The following GLMN variants were observed in gnomAD, a reference collection of about 807,000 sequenced individuals.
The protein encoded by GLMN is glomulin.
In GLMN, 75 loss-of-function variants were observed where a neutral mutation model predicts 87.8. The observed-to-expected ratio is 0.85, with a 90% CI of 0.71 to 1.04. The LOEUF is 1.04. Ranked by LOEUF, GLMN falls within the 50% of genes least tolerant of loss-of-function variation. The pLI is 0.00. For synonymous variants in GLMN, 206 were observed against 221.6 expected, an observed-to-expected ratio of 0.93 and a Z score of 0.63; for missense variants, 588 against 658.8, an observed-to-expected ratio of 0.89 and a Z score of 1.18.
At chr1:92,249,866 G>A (rs1407758654) in intron 16 of GLMN, among the ~76,000 whole-genome samples, 1 of 152,142 alleles carries the variant, frequency 6.6e-6, no homozygotes, top group African/African-American at 2.4e-5. Context: ...GTGAGAATAT[G>A]TGATACTGTC....
the GLMN span, among the ~76,000 whole-genome samples, chr1:92,329,396 C>G: frequency 6.6e-6 from 1 of 152,216 alleles, no homozygotes; most frequent in African/African-American, 2.4e-5. Flanking sequence ...CCACAGGCCT[C>G]ACCCAGCTTC....
At chr1:92,278,397 C>T (rs1293016448) in intron 7 of GLMN, among the ~76,000 whole-genome samples, 1 of 152,158 alleles carries the variant, frequency 6.6e-6, no homozygotes, top group African/African-American at 2.4e-5. Flanking sequence ...TCACTATTAT[C>T]GTGACCATCA....
At chr1:92,360,390 C>A in the GLMN span, among the ~76,000 whole-genome samples, 1 of 152,136 alleles carries the variant, frequency 6.6e-6, no homozygotes, top group South Asian at 2.1e-4. Flanking sequence ...GGTGTTGGGG[C>A]ACTAGACGGA....
At position 92,297,547 on chromosome 1, in the gene GLMN, AAC is replaced by A; in HGVS notation, c.40-20_40-19del. 3 of 1,583,530 alleles carry A rather than the reference AAC, an allele frequency of 1.9e-6. No homozygotes were observed. The highest frequency in any genetic ancestry group is 2.6e-6 in the Non-Finnish European group (3 of 1,164,046). On this transcript the variant is annotated intron_variant, in intron 2 of 18. Transcript: ENST00000370360. ...AGGATTTGCTGGCAAAAAAAAAAAA[AAC>A]CCAAAAAACAAACAAAAAAAAGTAT...
rs1655290434 is a variant in GLMN, at chr1:92,263,700, T to C, written c.1332A>G (p.Pro444=). The C allele has an allele frequency of 3.8e-6, 6 of 1,599,670 alleles. No individual in the cohort carries two copies. Among genetic ancestry groups the C allele is most frequent in the Non-Finnish European group, 5.1e-6 (6 of 1,166,894 alleles). Residue 444 remains proline, a synonymous_variant, in exon 15 of 19, where the codon CCA becomes CCG. Coordinates refer to ENST00000370360, the MANE Select transcript of GLMN (RefSeq NM_053274.3). ...RTRNNKWFTG[P]QLISLLDLVL... Reference sequence around the variant, plus strand: ...CCAAATCAAGAAGGGAAATCAACTGTGGTCCTGTAAACCATTTGTTGTTAC... The same window carrying C: ...CCAAATCAAGAAGGGAAATCAACTGCGGTCCTGTAAACCATTTGTTGTTAC...
At chr1:92,300,132 G>A (rs1334993442), upstream of GLMN, 1 of 1,137,460 alleles carries the variant, frequency 8.8e-7, no homozygotes, top group South Asian at 1.3e-5. Flanking sequence ...ACCGCTGTCT[G>A]TATGCTGTCC....
intron 4 of GLMN, 117 bp downstream of exon 4, chr1:92,291,300 TC>T: frequency 1.1e-6 from 1 of 895,718 alleles, no homozygotes. Context: ...TCCAACGAGT[TC>T]CTTTCTGCAT....
Position 92,268,118 on chromosome 1 carries a change from A to T in GLMN, c.995T>A (p.Ile332Asn). ...CAAACATCTTACCAATCCTTTGGAGATAACAGACTCTTCTGTTCTGAAAAA... is the reference window on the plus strand; with the variant it reads ...CAAACATCTTACCAATCCTTTGGAGTTAACAGACTCTTCTGTTCTGAAAAA... The part of the protein sequence containing the change: ...VFLQRTEESV[I>N]SKGLELLENS... The change falls in exon 10 of 19, where the codon ATC becomes AAC. Residue 332 changes from isoleucine to asparagine, a missense_variant. By Grantham distance (149) the Ile-to-Asn change is moderately radical. Transcript: ENST00000370360. 6.9e-7 allele frequency: 1 copy of T among 1,440,820 alleles called. No individual in the cohort carries two copies. The highest frequency in any genetic ancestry group is 9.8e-7 in the Non-Finnish European group (1 of 1,023,120). 89.3% of individuals were successfully genotyped at this position (1,440,820 alleles called of 1,614,324 possible).
chr1:92,346,449 C>T, the GLMN span, among the ~76,000 whole-genome samples: 1 of 152,182 alleles, frequency 6.6e-6, no homozygotes, highest in Non-Finnish European at 1.5e-5. Flanking sequence ...TAGGCATGAG[C>T]CACCACACCC....
At chr1:92,271,271 C>T (rs1421964823) in intron 8 of GLMN, among the ~76,000 whole-genome samples, 194 bp downstream of exon 8, 2 of 152,174 alleles carry the variant, frequency 1.3e-5, no homozygotes, top group Non-Finnish European at 2.9e-5. Flanking sequence ...CCTATTTCAA[C>T]ACTCCCCACT....
chr1:92,347,544 C>T, the GLMN span, among the ~76,000 whole-genome samples: 1 of 152,202 alleles, frequency 6.6e-6, no homozygotes, highest in Non-Finnish European at 1.5e-5. Flanking sequence ...TTACTGAAGA[C>T]ACATTAAGTC....
At chr1:92,273,775 CATT>C (rs1398245693) in intron 7 of GLMN, among the ~76,000 whole-genome samples, 1 of 151,962 alleles carries the variant, frequency 6.6e-6, no homozygotes, top group African/African-American at 2.4e-5. Context: ...CTTTTTAAAA[CATT>C]ATTATATGCA....
the GLMN span, chr1:92,324,115 G>A: frequency 2.5e-6 from 4 of 1,614,088 alleles, no homozygotes; most frequent in Admixed American, 1.7e-5. Context: ...TCTGAAACCC[G>A]AAGCCTCTCT....
intron 8 of GLMN, among the ~76,000 whole-genome samples, chr1:92,270,632 A>G (rs888383527): frequency 1.3e-5 from 2 of 151,702 alleles, no homozygotes; most frequent in African/African-American, 4.9e-5. Context: ...CACAATCCTT[A>G]TTATCATAGA....
chr1:92,322,332 G>T, the GLMN span, among the ~76,000 whole-genome samples: 2 of 151,586 alleles, frequency 1.3e-5, no homozygotes, highest in Non-Finnish European at 2.9e-5. Flanking sequence ...ATCACTTGAG[G>T]TCGGGAGTTT....
At chr1:92,260,685 G>A (rs944175403) in intron 16 of GLMN, among the ~76,000 whole-genome samples, 2 of 148,746 alleles carry the variant, frequency 1.3e-5, no homozygotes, top group Non-Finnish European at 3.0e-5. Context: ...TTGAGCTGGG[G>A]AGTTTGAGGC....
intron 16 of GLMN, among the ~76,000 whole-genome samples, chr1:92,249,527 A>C (rs1293834686): frequency 6.6e-6 from 1 of 152,000 alleles, no homozygotes; most frequent in Non-Finnish European, 1.5e-5. Flanking sequence ...GATATTTTAC[A>C]TATTTATGGG....
At chr1:92,261,987 A>G (rs1655110673) in intron 16 of GLMN, among the ~76,000 whole-genome samples, 1 of 152,210 alleles carries the variant, frequency 6.6e-6, no homozygotes, top group Non-Finnish European at 1.5e-5. Flanking sequence ...ATAGCACCTG[A>G]TACAGAGTAA....
intron 9 of GLMN, among the ~76,000 whole-genome samples, chr1:92,268,377 A>G (rs555377213): frequency 3.9e-5 from 6 of 152,346 alleles, no homozygotes; most frequent in Admixed American, 2.6e-4. Context: ...CCTAACTTCA[A>G]AACAATAGAT....
Sources: gnomAD v4.1 joint callset for allele counts (sites outside exome capture counted in the v4.1 genomes callset) on GRCh38, gnomAD v4.1.1 for gene constraint, MANE v1.5 for transcripts, NCBI Gene and HGNC (gene_info 2026-07-23, HGNC 2026-07-21) for gene names.